Variants in COL25A1 observed in about 807,000 individuals in gnomAD.
COL25A1 encodes collagen type XXV alpha 1 chain, also known as collagen alpha-1(XXV) chain.
In COL25A1, 103 loss-of-function variants were observed where a neutral mutation model predicts 128.4. The observed-to-expected ratio is 0.80, with a 90% CI of 0.68 to 0.94. The LOEUF (loss-of-function observed/expected upper bound fraction) is 0.94. COL25A1 is among the 40% of genes least tolerant of loss of function. COL25A1 has a pLI of 0.00. For missense variants in COL25A1, 745 were observed against 840.0 expected (o/e 0.89, Z 1.40); for synonymous variants, 279 against 277.2 (o/e 1.01, Z -0.06).
chr4:109,236,642 AT>A lies in COL25A1; in HGVS notation c.367+63940del, dbSNP rs200487223. Reference sequence around the variant, plus strand: ...AAAGTCATCCTTATCCAAGAAAACTATTTTCATTCTGAGTCTCCTCCAAAAA... The same window carrying A: ...AAAGTCATCCTTATCCAAGAAAACTATTTCATTCTGAGTCTCCTCCAAAAA... On this transcript the variant is annotated intron_variant, in intron 3 of 37. Transcript: ENST00000399132. Among the ~76,000 whole-genome samples the A allele has an allele frequency of 1.9e-3, 288 of 152,158 alleles. 5 individuals are homozygous for A. In the East Asian group the frequency reaches 0.05, roughly 26 times the overall value.
At chr4:108,819,368 GA>G (rs772008330) in intron 35 of COL25A1, 39 bp from the exon 36 acceptor site, 2 of 1,520,266 alleles carry the variant, frequency 1.3e-6, no homozygotes, top group African/African-American at 2.8e-5. Flanking sequence ...ACTAACACAA[GA>G]AATCACTTAA....
intron 3 of COL25A1, among the ~76,000 whole-genome samples, chr4:109,071,241 C>CAT (rs1261543608): frequency 2.6e-5 from 4 of 152,114 alleles, no homozygotes; most frequent in Non-Finnish European, 5.9e-5. Context: ...ACTGGCTAGC[C>CAT]ATATGGAGAA....
At chr4:108,817,938 A>G (rs1454861627) in intron 36 of COL25A1, among the ~76,000 whole-genome samples, 1 of 152,196 alleles carries the variant, frequency 6.6e-6, no homozygotes, top group Non-Finnish European at 1.5e-5. Flanking sequence ...ATTGAAAGTA[A>G]ATACAGTAGA....
At chr4:108,970,551 T>C (rs1274857412) in intron 8 of COL25A1, among the ~76,000 whole-genome samples, 1 of 152,220 alleles carries the variant, frequency 6.6e-6, no homozygotes, top group Non-Finnish European at 1.5e-5. Context: ...CCTCACATCC[T>C]TATCTTTTTT....
intron 8 of COL25A1, among the ~76,000 whole-genome samples, chr4:108,945,641 A>G (rs1051296049): frequency 2.6e-5 from 4 of 152,156 alleles, no homozygotes; most frequent in African/African-American, 9.7e-5. Flanking sequence ...TCCAGGAATA[A>G]GCTGAATATT....
At chr4:108,901,722 T>C (rs1742875728) in intron 13 of COL25A1, among the ~76,000 whole-genome samples, 1 of 152,100 alleles carries the variant, frequency 6.6e-6, no homozygotes, top group African/African-American at 2.4e-5. Context: ...ATTGTAAAAA[T>C]AAGTAGAATA....
intron 6 of COL25A1, among the ~76,000 whole-genome samples, chr4:108,984,812 C>T (rs936625836): frequency 3.3e-5 from 5 of 152,240 alleles, no homozygotes; most frequent in Admixed American, 6.5e-5. Flanking sequence ...AGTGCAGCGG[C>T]GGGCTGAAGG....
At chr4:109,282,839 T>C (rs1390718850) in intron 3 of COL25A1, among the ~76,000 whole-genome samples, 1 of 152,238 alleles carries the variant, frequency 6.6e-6, no homozygotes, top group Non-Finnish European at 1.5e-5. Flanking sequence ...GAACACTCGC[T>C]TAAGCTATGT....
rs72892709 is a variant in COL25A1 at position 109,242,347 on chromosome 4, T to G, written c.367+58236A>C. Among the ~76,000 whole-genome samples, 753 of 152,268 alleles carry G rather than the reference T, an allele frequency of 4.9e-3. 9 individuals are homozygous for G. The highest frequency in any genetic ancestry group is 0.018 in the African/African-American group (728 of 41,570). On this transcript the variant is annotated intron_variant, in intron 3 of 37. Coordinates refer to ENST00000399132, the MANE Select transcript of COL25A1 (RefSeq NM_198721.4). ...ACTAACCTTGGAATAATGAATGTCC[T>G]TAGACTCACCTGCACTTCACTTCAC...
rs756134474 is a variant in COL25A1 at position 108,941,321 on chromosome 4, AC to A, written c.564+44del. On this transcript the variant is annotated intron_variant, in intron 9 of 37. Coordinates refer to ENST00000399132, the MANE Select transcript of COL25A1 (RefSeq NM_198721.4). ...AAAGCAATAGGTACACAGAGCAATA[AC>A]TGATGTAAAGAAGAAATCAGACTTC... The A allele has an allele frequency of 2.4e-5, 35 of 1,469,078 alleles. No individual in the cohort carries two copies. The East Asian group carries it at 6.3e-4, about 27-fold the overall frequency. The allele number at this position is 1,469,078 out of a possible 1,614,324, so 91.0% of individuals were successfully genotyped here. A position where few individuals can be genotyped will look rare whatever the true frequency, so the allele number is the denominator to read the frequency against.
At chr4:108,857,615 G>A (rs988393746) in intron 24 of COL25A1, among the ~76,000 whole-genome samples, 4 of 151,236 alleles carry the variant, frequency 2.6e-5, no homozygotes, top group African/African-American at 9.7e-5. Flanking sequence ...AATGATAGTT[G>A]GAGCAAAGAA....
chr4:109,034,101 A>G (rs376049568), intron 5 of COL25A1, among the ~76,000 whole-genome samples: 37 of 152,262 alleles, frequency 2.4e-4, no homozygotes, highest in African/African-American at 8.4e-4. Context: ...TAACCACACA[A>G]ATATTTAAAT....
At chr4:108,831,787 C>CT (rs888592024) in intron 32 of COL25A1, among the ~76,000 whole-genome samples, 1 of 151,366 alleles carries the variant, frequency 6.6e-6, no homozygotes, top group African/African-American at 2.4e-5. Flanking sequence ...TTCTGAATGT[C>CT]TTTTTTCCCC....
chr4:109,072,849 C>G (rs893108073), intron 3 of COL25A1, among the ~76,000 whole-genome samples: 4 of 152,180 alleles, frequency 2.6e-5, no homozygotes, highest in African/African-American at 9.6e-5. Context: ...TTGCATAACT[C>G]TACAGGGGGC....
At chr4:109,030,937 C>T (rs1413627090) in intron 5 of COL25A1, among the ~76,000 whole-genome samples, 3 of 151,942 alleles carry the variant, frequency 2.0e-5, no homozygotes, top group South Asian at 2.1e-4. Context: ...GACAGAGTTT[C>T]GCCATATTGC....
At position 109,302,308 on chromosome 4, in the gene COL25A1, C is replaced by A; in HGVS notation, c.-196G>T. 2.5e-6 allele frequency: 1 copy of A among 404,250 alleles called. No homozygotes were observed. The highest frequency in any genetic ancestry group is 4.4e-6 in the Non-Finnish European group (1 of 227,004). 25.0% of individuals were successfully genotyped at this position (404,250 alleles called of 1,614,324 possible). ...AAAAGCAAGACGAAACCCACCCAGA[C>A]AGCTCTTCCGACTCCCAGAGGACCG... is the stretch of plus-strand genomic sequence containing the variant. On this transcript the variant is annotated 5_prime_UTR_variant, in exon 1 of 38. Transcript: ENST00000399132.
At chr4:108,840,144 A>G (rs958985517) in intron 31 of COL25A1, among the ~76,000 whole-genome samples, 3 of 150,322 alleles carry the variant, frequency 2.0e-5, no homozygotes, top group African/African-American at 7.3e-5. Flanking sequence ...TGGGAGGCTG[A>G]GGCGGAAGAA....
intron 3 of COL25A1, among the ~76,000 whole-genome samples, chr4:109,290,018 G>T (rs972844153): frequency 3.3e-5 from 5 of 151,980 alleles, no homozygotes; most frequent in African/African-American, 4.8e-5. Context: ...TGAAAATGAT[G>T]AGAAAAAATG....
intron 10 of COL25A1, among the ~76,000 whole-genome samples, chr4:108,938,119 T>C (rs1187931451): frequency 6.6e-6 from 1 of 152,194 alleles, no homozygotes; most frequent in Admixed American, 6.5e-5. Flanking sequence ...AGAACTTTCA[T>C]ACATAGGACA....
Sources: gnomAD v4.1 joint callset for allele counts (sites outside exome capture counted in the v4.1 genomes callset) on GRCh38, gnomAD v4.1.1 for gene constraint, MANE v1.5 for transcripts, NCBI Gene and HGNC (gene_info 2026-07-23, HGNC 2026-07-21) for gene names.